Variants in ACSS3 observed in about 807,000 individuals in gnomAD.
ACSS3 encodes acyl-CoA synthetase short chain family member 3.
A neutral mutation model predicts 84.2 loss-of-function variants in ACSS3; 64 were observed. The observed-to-expected ratio is 0.76, with a 90% confidence interval of 0.62 to 0.94. The LOEUF is 0.94. ACSS3 is among the 40% of genes least tolerant of loss of function. ACSS3 has a pLI of 0.00. For synonymous variants in ACSS3, 317 were observed against 310.1 expected (o/e 1.02, Z -0.23); for missense variants, 815 against 867.6 (o/e 0.94, Z 0.76).
At chr12:81,237,869 C>T (rs1178741174) in intron 13 of ACSS3, among the ~76,000 whole-genome samples, 1 of 151,552 alleles carries the variant, frequency 6.6e-6, no homozygotes, top group African/African-American at 2.4e-5. Flanking sequence ...TCTTTCTTGC[C>T]TTGTTGCACT....
At chr12:81,092,057 A>C (rs1454756863) in intron 1 of ACSS3, among the ~76,000 whole-genome samples, 2 of 152,156 alleles carry the variant, frequency 1.3e-5, no homozygotes, top group African/African-American at 4.8e-5. Flanking sequence ...TACCAGTGTT[A>C]CAGATTTAAA....
intron 2 of ACSS3, among the ~76,000 whole-genome samples, chr12:81,120,581 T>G (rs1884499342): frequency 6.6e-6 from 1 of 152,184 alleles, no homozygotes; most frequent in South Asian, 2.1e-4. Flanking sequence ...AATCACACTT[T>G]GAGTATATAA....
intron 7 of ACSS3, among the ~76,000 whole-genome samples, chr12:81,173,455 T>A (rs1463323032): frequency 1.3e-5 from 2 of 152,178 alleles, no homozygotes; most frequent in African/African-American, 4.8e-5. Flanking sequence ...GAAATAGTTT[T>A]TTTTAAGAAA....
At chr12:81,173,076 G>C (rs996954723) in intron 7 of ACSS3, among the ~76,000 whole-genome samples, 7 of 152,148 alleles carry the variant, frequency 4.6e-5, no homozygotes, top group Non-Finnish European at 5.9e-5. Context: ...TTTCACTTGG[G>C]TGAGATCACG....
chr12:81,224,091 C>T (rs2033195335), intron 11 of ACSS3, among the ~76,000 whole-genome samples: 2 of 151,922 alleles, frequency 1.3e-5, no homozygotes, highest in South Asian at 4.1e-4. Context: ...ACTCTCAATT[C>T]ATAATTGGAT....
intron 7 of ACSS3, among the ~76,000 whole-genome samples, chr12:81,163,111 T>G (rs1274590789): frequency 6.6e-6 from 1 of 151,670 alleles, no homozygotes; most frequent in Non-Finnish European, 1.5e-5. Context: ...CCACTGCTGC[T>G]GCCACTAACC....
intron 7 of ACSS3, among the ~76,000 whole-genome samples, chr12:81,160,805 G>A (rs1452195879): frequency 6.6e-6 from 1 of 151,996 alleles, no homozygotes; most frequent in Non-Finnish European, 1.5e-5. Context: ...TGTTTGAGAG[G>A]AAGCATACTA....
At chr12:81,163,519 C>A in intron 7 of ACSS3, among the ~76,000 whole-genome samples, 1 of 152,184 alleles carries the variant, frequency 6.6e-6, no homozygotes, top group East Asian at 1.9e-4. Context: ...TACCTTTTAT[C>A]TTTATTTTAG....
At chr12:81,250,620 A>C (rs2034123487) in intron 13 of ACSS3, among the ~76,000 whole-genome samples, 1 of 152,070 alleles carries the variant, frequency 6.6e-6, no homozygotes, top group Admixed American at 6.6e-5. Flanking sequence ...AATTTAGTTA[A>C]AACTCTAGTC....
chr12:81,202,657 G>T (rs991745652), intron 9 of ACSS3, among the ~76,000 whole-genome samples: 1 of 152,044 alleles, frequency 6.6e-6, no homozygotes, highest in Non-Finnish European at 1.5e-5. Flanking sequence ...ACTTTTATGA[G>T]CCTTTCATAT....
chr12:81,089,673 A>C (rs1401172533), intron 1 of ACSS3, among the ~76,000 whole-genome samples: 1 of 151,998 alleles, frequency 6.6e-6, no homozygotes, highest in Non-Finnish European at 1.5e-5. Context: ...TCCTTTCTGT[A>C]ACCTGATGTA....
intron 7 of ACSS3, among the ~76,000 whole-genome samples, chr12:81,157,200 A>C (rs1057335157): frequency 2.0e-5 from 3 of 152,222 alleles, no homozygotes; most frequent in Admixed American, 6.5e-5. Context: ...GGCTGCTTCA[A>C]TATCTGAAAA....
At chr12:81,219,984 T>C (rs1318062802) in intron 10 of ACSS3, 29 bp from the exon 11 acceptor site, 1 of 1,389,082 alleles carries the variant, frequency 7.2e-7, no homozygotes, top group East Asian at 2.6e-5. Flanking sequence ...TATGAATTTT[T>C]ATTCAAATAT....
intron 13 of ACSS3, among the ~76,000 whole-genome samples, chr12:81,252,083 C>A (rs1425725772): frequency 6.6e-6 from 1 of 152,040 alleles, no homozygotes; most frequent in Admixed American, 6.6e-5. Context: ...CTATGAAGTC[C>A]TTCCCCAGGG....
chr12:81,097,049 C>T (rs1353916008), intron 1 of ACSS3, among the ~76,000 whole-genome samples: 3 of 152,128 alleles, frequency 2.0e-5, no homozygotes, highest in African/African-American at 7.2e-5. Context: ...ATGATGGCTA[C>T]TGTGGTGGAG....
chr12:81,132,174 A>G (rs939172957), intron 2 of ACSS3, among the ~76,000 whole-genome samples: 3 of 152,022 alleles, frequency 2.0e-5, no homozygotes, highest in Admixed American at 2.0e-4. Flanking sequence ...CTCTTTTTCT[A>G]TTGATTGGAA....
At chr12:81,207,588 A>G (rs1183854231) in intron 9 of ACSS3, among the ~76,000 whole-genome samples, 5 of 152,208 alleles carry the variant, frequency 3.3e-5, no homozygotes, top group Non-Finnish European at 7.4e-5. Context: ...TTTCCTTTCT[A>G]TAAATAGCCC....
At chr12:81,078,019 C>A (rs1464113399), upstream of ACSS3, 2 of 1,321,756 alleles carry the variant, frequency 1.5e-6, no homozygotes, top group Admixed American at 6.1e-5. Flanking sequence ...TCTGGGCTCA[C>A]TTCGGAATTT....
At chr12:81,161,061 A>G (rs1047819234) in intron 7 of ACSS3, among the ~76,000 whole-genome samples, 5 of 152,246 alleles carry the variant, frequency 3.3e-5, no homozygotes, top group Non-Finnish European at 5.9e-5. Context: ...TATTTCCCAG[A>G]ATAGAATTCT....
Sources: gnomAD v4.1 joint callset for allele counts (sites outside exome capture counted in the v4.1 genomes callset) on GRCh38, gnomAD v4.1.1 for gene constraint, MANE v1.5 for transcripts, NCBI Gene and HGNC (gene_info 2026-07-23, HGNC 2026-07-21) for gene names.